ACBD5: variants seen among roughly 807,000 people sequenced by gnomAD.
ACBD5 encodes acyl-CoA-binding domain-containing protein 5.
ACBD5 carries 40 observed loss-of-function variants against 71.8 expected under a neutral mutation model. The observed-to-expected ratio is 0.56, with a 90% CI of 0.43 to 0.72. The LOEUF (loss-of-function observed/expected upper bound fraction) is 0.72, where lower values mean the gene tolerates loss of function less well. Ranked by LOEUF, ACBD5 falls within the 30% of genes least tolerant of loss-of-function variation. The pLI, the probability that ACBD5 is intolerant of heterozygous loss-of-function variation, is 0.00. For synonymous variants in ACBD5, 229 were observed against 218.6 expected (o/e 1.05, Z -0.42); for missense variants, 559 against 644.5 (o/e 0.87, Z 1.44).
rs937700286 is a variant in ACBD5, at chr10:27,197,123, T to G, written c.*307A>C. Reference sequence around the variant, plus strand: ...TGTTACTCTATGGAAGATAATCAGGTAAACATGTTACCAAATGATCATTAA... The same window carrying G: ...TGTTACTCTATGGAAGATAATCAGGGAAACATGTTACCAAATGATCATTAA... On this transcript the variant is annotated 3_prime_UTR_variant, in exon 13 of 13. Coordinates refer to ENST00000396271, the MANE Select transcript of ACBD5 (RefSeq NM_145698.5). 2.0e-5 allele frequency: 10 copies of G among 497,104 alleles called. No individual in the cohort carries two copies. The highest frequency in any genetic ancestry group is 1.8e-4 in the African/African-American group (9 of 51,114). The allele number at this position is 497,104 out of a possible 1,614,324, so 30.8% of individuals were successfully genotyped here. A position where few individuals can be genotyped will look rare whatever the true frequency, so the allele number is the denominator to read the frequency against.
chr10:27,190,769 A>G (rs1228922196), downstream of ACBD5, among the ~76,000 whole-genome samples: 1 of 152,232 alleles, frequency 6.6e-6, no homozygotes, highest in Non-Finnish European at 1.5e-5. Context: ...GAGACTGAAT[A>G]AAAGGCTTCT....
chr10:27,223,350 C>T lies in ACBD5; in HGVS notation c.478G>A (p.Asp160Asn). Residue 160 changes from aspartate (D) to asparagine (N), a missense_variant, in exon 5 of 13, where the codon GAT becomes AAT. Transcript: ENST00000396271. Reference protein sequence around the residue: ...VEDKKSGRSSDITSDLGNVLT... With the variant: ...VEDKKSGRSSNITSDLGNVLT... ...AAAATAGTCCAACCTGAGGTTATAT[C>T]AGAACTCCTGCCACTCTTTTTGTCC... 6.2e-7 allele frequency: 1 copy of T among 1,612,750 alleles called. No individual in the cohort carries two copies. Among genetic ancestry groups the T allele is most frequent in the Non-Finnish European group, 8.5e-7 (1 of 1,178,970 alleles).
chr10:27,203,238 A>G (rs1437637313), intron 12 of ACBD5, among the ~76,000 whole-genome samples: 1 of 151,854 alleles, frequency 6.6e-6, no homozygotes, highest in African/African-American at 2.4e-5. Flanking sequence ...CACCCATCTC[A>G]GCTTCCTAAA....
chr10:27,219,024 G>A (rs535902713), intron 6 of ACBD5, among the ~76,000 whole-genome samples: 2 of 152,224 alleles, frequency 1.3e-5, no homozygotes, highest in Middle Eastern at 3.4e-3. Flanking sequence ...CCTGTAGGCC[G>A]GGTGCGATGG....
rs1411083433 is a variant in ACBD5, at chr10:27,236,090, G to A, written c.182-878C>T. Among the ~76,000 whole-genome samples the A allele has an allele frequency of 3.5e-5, 5 of 144,156 alleles. 1 individual carries two copies. In the Middle Eastern group the frequency reaches 0.011, roughly 307 times the overall value. 94.6% of individuals were successfully genotyped at this position (144,156 alleles called of 152,430 possible). A position where few individuals can be genotyped will look rare whatever the true frequency, so the allele number is the denominator to read the frequency against. The stretch of plus-strand genomic sequence containing the variant: ...GATCACACCACTGCACTACAGCCTC[G>A]GTGACAGAGAAAGACCCTGTCTCAA... On this transcript the variant is annotated intron_variant, in intron 2 of 12. Coordinates refer to ENST00000396271, the MANE Select transcript of ACBD5 (RefSeq NM_145698.5).
At position 27,208,299 on chromosome 10, in the gene ACBD5, T is replaced by C; in HGVS notation, c.1351A>G (p.Met451Val). 1 of 1,614,224 alleles carries C rather than the reference T, an allele frequency of 6.2e-7. No homozygotes were observed. Among genetic ancestry groups the C allele is most frequent in the Non-Finnish European group, 8.5e-7 (1 of 1,180,034 alleles). Residue 451 changes from methionine (M) to valine (V), a missense_variant, in exon 10 of 13, where the codon ATG becomes GTG. Transcript: ENST00000396271. ...TGCAGTCTCTGAAGGACATTCTGCA[T>C]GTCCTCCTGCAGTCTCATCAGCACG... ...ALVLMRLQEDMQNVLQRLQKL... is the reference protein window; with the variant it reads ...ALVLMRLQEDVQNVLQRLQKL...
intron 12 of ACBD5, among the ~76,000 whole-genome samples, chr10:27,203,927 C>T (rs11818136): frequency 0.069 from 10,481 of 151,706 alleles, 681 homozygotes; most frequent in African/African-American, 0.17. Flanking sequence ...TGTGAGCCAC[C>T]GTGCCTTTCA....
chr10:27,219,686 T>G (rs757243364), intron 6 of ACBD5, 37 bp downstream of exon 6: 1 of 1,612,114 alleles, frequency 6.2e-7, no homozygotes, highest in Non-Finnish European at 8.5e-7. Flanking sequence ...CTTAGTTTAT[T>G]TATTGCAAAA....
At chr10:27,220,884 T>C (rs915228591) in intron 5 of ACBD5, among the ~76,000 whole-genome samples, 1 of 151,940 alleles carries the variant, frequency 6.6e-6, no homozygotes, top group Non-Finnish European at 1.5e-5. Context: ...ATGCTTTGTT[T>C]AGAAAAAAAA....
At chr10:27,242,088 T>C (rs996368798), upstream of ACBD5, 4 of 452,112 alleles carry the variant, frequency 8.8e-6, no homozygotes, top group African/African-American at 6.0e-5. Context: ...GCCTGTCCGG[T>C]AATGTCCCCG....
chr10:27,193,765 C>A (rs765759029), downstream of ACBD5, among the ~76,000 whole-genome samples: 10 of 152,144 alleles, frequency 6.6e-5, no homozygotes, highest in Non-Finnish European at 1.0e-4. Context: ...AGCCTGTCTA[C>A]CTAATGGCAT....
chr10:27,217,182 G>A (rs577248678), intron 7 of ACBD5, among the ~76,000 whole-genome samples: 47 of 147,242 alleles, frequency 3.2e-4, no homozygotes, highest in African/African-American at 9.1e-4. Flanking sequence ...TCGGCCGGGC[G>A]CGTTGCCTCA....
intron 4 of ACBD5, among the ~76,000 whole-genome samples, chr10:27,227,445 A>G (rs1367619305): frequency 1.3e-5 from 2 of 152,132 alleles, no homozygotes; most frequent in Non-Finnish European, 2.9e-5. Context: ...TGTTCAATGG[A>G]ATCACTAACT....
chr10:27,233,334 G>A (rs2064154735), intron 3 of ACBD5, among the ~76,000 whole-genome samples: 2 of 151,838 alleles, frequency 1.3e-5, no homozygotes, highest in Non-Finnish European at 2.9e-5. Context: ...GGCTGAGGCA[G>A]GAGAATTGCT....
chr10:27,212,155 C>T (rs2061155467), intron 8 of ACBD5, among the ~76,000 whole-genome samples: 1 of 152,198 alleles, frequency 6.6e-6, no homozygotes, highest in Non-Finnish European at 1.5e-5. Context: ...ATGGGACCAG[C>T]CTGGCCAACA....
intron 10 of ACBD5, among the ~76,000 whole-genome samples, chr10:27,207,599 C>A (rs12259138): frequency 0.07 from 10,600 of 152,224 alleles, 696 homozygotes; most frequent in African/African-American, 0.17. Context: ...CCTCTTTACT[C>A]TCTCTAACAA....
Position 27,200,843 on chromosome 10 carries a change from C to A in ACBD5, c.1566-3401G>T, listed in dbSNP as rs937636011. Among the ~76,000 whole-genome samples the A allele has an allele frequency of 2.0e-5, 3 of 152,266 alleles. No individual in the cohort carries two copies. The South Asian group carries it at 6.2e-4, about 32-fold the overall frequency. On this transcript the variant is annotated intron_variant, in intron 12 of 12. Transcript: ENST00000396271. ...TTCTTGTGTGAGATCCAAGAACTCC[C>A]TCTTGGGGTCTGGATTGGGGCCCCT...
At chr10:27,192,951 G>T (rs2059138323), downstream of ACBD5, among the ~76,000 whole-genome samples, 1 of 150,042 alleles carries the variant, frequency 6.7e-6, no homozygotes, top group Admixed American at 6.6e-5. Flanking sequence ...CCTGCTGGGT[G>T]ACAGAGTGAG....
At chr10:27,205,833 T>C (rs1404912932) in intron 10 of ACBD5, among the ~76,000 whole-genome samples, 1 of 152,006 alleles carries the variant, frequency 6.6e-6, no homozygotes, top group Non-Finnish European at 1.5e-5. Flanking sequence ...CCTGGCCCAA[T>C]TTATTTCTTC....
Sources: allele counts gnomAD v4.1 joint callset (sites outside exome capture counted in the v4.1 genomes callset), GRCh38; gene constraint gnomAD v4.1.1; transcripts MANE v1.5; gene names NCBI Gene and HGNC (gene_info 2026-07-23, HGNC 2026-07-21).